ANKS6: variants seen among roughly 807,000 people sequenced by gnomAD.
ANKS6 encodes the protein ankyrin repeat and sterile alpha motif domain containing 6.
ANKS6 carries 47 observed loss-of-function variants against 77.9 expected under a neutral mutation model. The observed-to-expected ratio is 0.60, with a 90% CI of 0.48 to 0.77. The LOEUF is 0.77. ANKS6 is among the 30% of genes least tolerant of loss of function. The pLI is 0.00. For synonymous variants in ANKS6, 488 were observed against 501.7 expected, an observed-to-expected ratio of 0.97 and a Z score of 0.37; for missense variants, 1,150 against 1,159.1, an observed-to-expected ratio of 0.99 and a Z score of 0.11.
intron 2 of ANKS6, among the ~76,000 whole-genome samples, chr9:98,788,157 C>T (rs1323134489): frequency 6.6e-6 from 1 of 152,220 alleles, no homozygotes; most frequent in Non-Finnish European, 1.5e-5. Flanking sequence ...GCATCGCCAT[C>T]CCATGATGCC....
intron 5 of ANKS6, among the ~76,000 whole-genome samples, 182 bp downstream of exon 5, chr9:98,782,285 G>A (rs1834314709): frequency 6.6e-6 from 1 of 152,128 alleles, no homozygotes; most frequent in Admixed American, 6.6e-5. Flanking sequence ...CAAGTCCAGC[G>A]CTTCACTGGG....
chr9:98,773,824 T>G, intron 9 of ANKS6, 53 bp downstream of exon 9: 62 of 1,407,368 alleles, frequency 4.4e-5, no homozygotes, highest in Non-Finnish European at 5.3e-5. Flanking sequence ...GAACACACCA[T>G]GATCTCAGTG....
chr9:98,742,246 C>T (rs1464836221), intron 14 of ANKS6, among the ~76,000 whole-genome samples: 2 of 152,170 alleles, frequency 1.3e-5, no homozygotes, highest in South Asian at 2.1e-4. Flanking sequence ...AGTTCATGCC[C>T]TATAGCAAAA....
At chr9:98,740,092 G>A (rs1376229498) in intron 14 of ANKS6, among the ~76,000 whole-genome samples, 3 of 152,062 alleles carry the variant, frequency 2.0e-5, no homozygotes, top group Admixed American at 6.5e-5. Flanking sequence ...TATCATCTCT[G>A]GCAGACTGTT....
intron 9 of ANKS6, among the ~76,000 whole-genome samples, chr9:98,771,480 T>C (rs763872886): frequency 2.0e-5 from 3 of 152,160 alleles, no homozygotes; most frequent in Non-Finnish European, 2.9e-5. Context: ...CAGCCTGAAA[T>C]GGATCTTCTC....
At chr9:98,737,270 G>A (rs1176600578) in intron 14 of ANKS6, among the ~76,000 whole-genome samples, 1 of 152,166 alleles carries the variant, frequency 6.6e-6, no homozygotes, top group Non-Finnish European at 1.5e-5. Flanking sequence ...AGAGCAATCA[G>A]ACAGGAAGTC....
intron 11 of ANKS6, among the ~76,000 whole-genome samples, chr9:98,764,732 C>T (rs117922864): frequency 0.026 from 3,973 of 152,276 alleles, 72 homozygotes; most frequent in Non-Finnish European, 0.042. Flanking sequence ...CTTATAGTTT[C>T]CATCTCTCTA....
intron 3 of ANKS6, 123 bp from the exon 4 acceptor site, chr9:98,784,280 T>A (rs1834442148): frequency 2.3e-6 from 2 of 861,020 alleles, no homozygotes. Context: ...CTGCTGGGCA[T>A]CATAGGGGAT....
At chr9:98,768,933 C>T (rs745972540) in intron 10 of ANKS6, among the ~76,000 whole-genome samples, 31 of 152,194 alleles carry the variant, frequency 2.0e-4, no homozygotes, top group Non-Finnish European at 3.5e-4. Flanking sequence ...CGAGACCAGC[C>T]TGGCCAACAT....
At chr9:98,760,818 T>A (rs928851268) in intron 11 of ANKS6, among the ~76,000 whole-genome samples, 8 of 152,200 alleles carry the variant, frequency 5.3e-5, no homozygotes, top group African/African-American at 1.4e-4. Flanking sequence ...ACATTTGGGA[T>A]GTTTCCAGTT....
rs577977778 is a variant in ANKS6 at position 98,796,466 on chromosome 9, G to T, written c.26C>A (p.Ala9Asp). The T allele has an allele frequency of 1.1e-5, 11 of 992,584 alleles. No individual in the cohort carries two copies. The highest frequency in any genetic ancestry group is 6.2e-5 in the Admixed American group (1 of 16,176). The allele number at this position is 992,584 out of a possible 1,614,324, so 61.5% of individuals were successfully genotyped here. Residue 9 changes from alanine (A) to aspartate (D), a missense_variant, in exon 1 of 15, where the codon GCC (alanine) becomes GAC (aspartate). By Grantham distance (126) the Ala-to-Asp change is moderately radical. Transcript: ENST00000353234. ...ACACGCGCGCAGCAGCAGCTGGAAGGCCGGGGGCAGCCCGCCCTCGCCCAT... is the reference window on the plus strand; with the variant it reads ...ACACGCGCGCAGCAGCAGCTGGAAGTCCGGGGGCAGCCCGCCCTCGCCCAT... MGEGGLPPAFQLLLRACDQ... is the reference protein window; with the variant it reads MGEGGLPPDFQLLLRACDQ...
rs1835159048 is a variant in ANKS6 at position 98,796,092 on chromosome 9, G to A, written c.359+41C>T. 1.3e-5 allele frequency: 17 copies of A among 1,290,542 alleles called. No homozygotes were observed. In the South Asian group the frequency reaches 3.3e-4, roughly 25 times the overall value. The allele number at this position is 1,290,542 out of a possible 1,614,324, so 79.9% of individuals were successfully genotyped here. A position where few individuals can be genotyped will look rare whatever the true frequency, so the allele number is the denominator to read the frequency against. Reference sequence around the variant, plus strand: ...GGACCGCGTCTCGGGCCAGCGCCGGGCACCACTCTGGTCCCGGGCCCCCGG... The same window carrying A: ...GGACCGCGTCTCGGGCCAGCGCCGGACACCACTCTGGTCCCGGGCCCCCGG... On this transcript the variant is annotated intron_variant, in intron 1 of 14. Transcript: ENST00000353234.
At chr9:98,761,827 C>T (rs1433074313) in intron 11 of ANKS6, among the ~76,000 whole-genome samples, 1 of 152,132 alleles carries the variant, frequency 6.6e-6, no homozygotes, top group Non-Finnish European at 1.5e-5. Flanking sequence ...TATGGTAAGT[C>T]TTGAAATTAG....
In ANKS6 at chr9:98,736,071, C is replaced by T. The variant is rs1831482248; in HGVS notation, c.*448G>A. ...AGACTGCACATCCTGGCCTCCTCTG[C>T]ATCCAGGTGGGGCCACATGACTACC... On this transcript the variant is annotated 3_prime_UTR_variant, in exon 15 of 15. Transcript: ENST00000353234. The T allele has an allele frequency of 8.5e-7, 1 of 1,173,056 alleles. No homozygotes were observed. The highest frequency in any genetic ancestry group is 1.1e-6 in the Non-Finnish European group (1 of 950,030). 72.7% of individuals were successfully genotyped at this position (1,173,056 alleles called of 1,614,324 possible).
Position 98,778,510 on chromosome 9 carries a change from T to G in ANKS6, c.1369-86A>C, listed in dbSNP as rs1056255947. 6 of 1,291,524 alleles carry G rather than the reference T, an allele frequency of 4.6e-6. No individual in the cohort carries two copies. In the Admixed American group the frequency reaches 6.0e-5, roughly 13 times the overall value. The allele number at this position is 1,291,524 out of a possible 1,614,324, so 80.0% of individuals were successfully genotyped here. A position where few individuals can be genotyped will look rare whatever the true frequency, so the allele number is the denominator to read the frequency against. On this transcript the variant is annotated intron_variant, in intron 6 of 14. Coordinates refer to ENST00000353234, the MANE Select transcript of ANKS6 (RefSeq NM_173551.5). Reference sequence around the variant, plus strand: ...GACCTGCCAGCCCAGAGACAGTGACTACATTCACATGTGCCTGCCCTCCCC... The same window carrying G: ...GACCTGCCAGCCCAGAGACAGTGACGACATTCACATGTGCCTGCCCTCCCC...
chr9:98,782,491 G>T lies in ANKS6; in HGVS notation c.1195C>A (p.Leu399Met), dbSNP rs1834328145. 1.9e-6 allele frequency: 3 copies of T among 1,614,104 alleles called. No homozygotes were observed. The highest frequency in any genetic ancestry group is 2.5e-6 in the Non-Finnish European group (3 of 1,179,982). Residue 399 changes from leucine (L) to methionine (M), a missense_variant, in exon 5 of 15, where the codon CTG (leucine) becomes ATG (methionine). Transcript: ENST00000353234. The stretch of plus-strand genomic sequence containing the variant: ...CCGGGATCATTCAGCAGCATCACCA[G>T]GTCAAAGGCCGTGTATCCATTTTTT... ...RAKNGYTAFDLVMLLNDPDTE... is the reference protein window; with the variant it reads ...RAKNGYTAFDMVMLLNDPDTE...
At chr9:98,740,452 A>C (rs1831762546) in intron 14 of ANKS6, among the ~76,000 whole-genome samples, 1 of 152,230 alleles carries the variant, frequency 6.6e-6, no homozygotes, top group South Asian at 2.1e-4. Flanking sequence ...TTTTCCGCTA[A>C]GTATCTGTCA....
At chr9:98,758,075 A>G (rs1400237958) in intron 11 of ANKS6, among the ~76,000 whole-genome samples, 1 of 152,136 alleles carries the variant, frequency 6.6e-6, no homozygotes, top group East Asian at 1.9e-4. Context: ...TGGTGTTCCC[A>G]TGGTGATTTT....
intron 2 of ANKS6, among the ~76,000 whole-genome samples, chr9:98,785,684 C>T (rs1421704665): frequency 1.3e-5 from 2 of 152,140 alleles, no homozygotes; most frequent in Admixed American, 1.3e-4. Context: ...CCTTCTGCAG[C>T]CTTTAATTGA....
Sources: gnomAD v4.1 joint callset for allele counts (sites outside exome capture counted in the v4.1 genomes callset) on GRCh38, gnomAD v4.1.1 for gene constraint, MANE v1.5 for transcripts, NCBI Gene and HGNC (gene_info 2026-07-23, HGNC 2026-07-21) for gene names.